The following NFATC3 variants were observed in gnomAD, a reference collection of about 807,000 sequenced individuals.
The protein encoded by NFATC3 is nuclear factor of activated T-cells, cytoplasmic 3.
Under a neutral mutation model 98.6 loss-of-function variants are expected in NFATC3, and 46 were observed. That is an observed-to-expected ratio of 0.47 (90% CI 0.37 to 0.60). The LOEUF is 0.60. Among genes scored for constraint, NFATC3 ranks in the 20% least tolerant of loss-of-function variants. NFATC3 has a pLI of 0.00. For synonymous variants in NFATC3, 512 were observed against 472.2 expected (o/e 1.08, Z -1.09); for missense variants, 1,256 against 1,295.5 (o/e 0.97, Z 0.47).
chr16:68,218,488 G>T (rs2041720829), intron 9 of NFATC3, among the ~76,000 whole-genome samples: 1 of 134,462 alleles, frequency 7.4e-6, no homozygotes, highest in Admixed American at 7.7e-5. Flanking sequence ...CTGCACTCCA[G>T]CCTGGGCGAC....
chr16:68,220,447 TA>T (rs1315643259), intron 9 of NFATC3, among the ~76,000 whole-genome samples: 1 of 150,278 alleles, frequency 6.7e-6, no homozygotes, highest in Non-Finnish European at 1.5e-5. Flanking sequence ...GGTGACAGAG[TA>T]AGACTCTATC....
chr16:68,158,125 A>G, intron 4 of NFATC3, 57 bp downstream of exon 4: 1 of 1,073,122 alleles, frequency 9.3e-7, no homozygotes, highest in Non-Finnish European at 1.3e-6. Context: ...CTTTCAGAAA[A>G]AAAGTAAATA....
intron 3 of NFATC3, among the ~76,000 whole-genome samples, chr16:68,137,891 A>G (rs1250364440): frequency 6.6e-6 from 1 of 152,058 alleles, no homozygotes; most frequent in African/African-American, 2.4e-5. Flanking sequence ...AAGTGCTGGG[A>G]TTACAGGCGT....
rs577868506 is a variant in NFATC3 at position 68,164,270 on chromosome 16, C to T, written c.1602-2573C>T. Among the ~76,000 whole-genome samples the T allele has an allele frequency of 3.0e-4, 45 of 152,340 alleles. No individual in the cohort carries two copies. The East Asian group carries it at 8.5e-3, about 29-fold the overall frequency. ...TACGAAAACCAGTCAGGTGTGGCGGCGTGCGCCTGCAATCGCAGGCTGAGG... is the reference window on the plus strand; with the variant it reads ...TACGAAAACCAGTCAGGTGTGGCGGTGTGCGCCTGCAATCGCAGGCTGAGG... On this transcript the variant is annotated intron_variant, in intron 4 of 9. Coordinates refer to ENST00000346183, the MANE Select transcript of NFATC3 (RefSeq NM_173165.3).
intron 9 of NFATC3, among the ~76,000 whole-genome samples, chr16:68,203,229 T>G (rs2041002812): frequency 6.6e-6 from 1 of 152,196 alleles, no homozygotes; most frequent in African/African-American, 2.4e-5. Flanking sequence ...GATTTTTTAT[T>G]TTTTATATCG....
chr16:68,143,844 T>TC (rs2151546082), intron 3 of NFATC3, among the ~76,000 whole-genome samples: 1 of 152,062 alleles, frequency 6.6e-6, no homozygotes, highest in East Asian at 1.9e-4. Context: ...AGAGCGAGAC[T>TC]CCATCTCAAA....
At chr16:68,213,046 G>A (rs1229960358) in intron 9 of NFATC3, among the ~76,000 whole-genome samples, 1 of 145,744 alleles carries the variant, frequency 6.9e-6, no homozygotes, top group African/African-American at 2.5e-5. Context: ...TGATCCACCC[G>A]CCTCAGCCTC....
At chr16:68,211,869 A>T (rs2041417012) in intron 9 of NFATC3, among the ~76,000 whole-genome samples, 1 of 152,214 alleles carries the variant, frequency 6.6e-6, no homozygotes. Flanking sequence ...GGAGAGATGA[A>T]TGAGGTATAT....
At chr16:68,204,377 G>A (rs2041053900) in intron 9 of NFATC3, among the ~76,000 whole-genome samples, 1 of 152,044 alleles carries the variant, frequency 6.6e-6, no homozygotes, top group Non-Finnish European at 1.5e-5. Context: ...TACAAAAAAT[G>A]GTAATGAATT....
intron 9 of NFATC3, among the ~76,000 whole-genome samples, chr16:68,194,316 T>C (rs1395679472): frequency 6.6e-6 from 1 of 152,210 alleles, no homozygotes; most frequent in East Asian, 1.9e-4. Flanking sequence ...GAAATGCATG[T>C]GCACAATTTC....
intron 1 of NFATC3, among the ~76,000 whole-genome samples, chr16:68,116,418 T>G (rs1471353965): frequency 6.6e-6 from 1 of 152,144 alleles, no homozygotes; most frequent in Admixed American, 6.5e-5. Flanking sequence ...GATTACTGTA[T>G]GCTTGCATGA....
At chr16:68,106,225 A>G (rs2035647499) in intron 1 of NFATC3, among the ~76,000 whole-genome samples, 1 of 151,852 alleles carries the variant, frequency 6.6e-6, no homozygotes, top group African/African-American at 2.4e-5. Context: ...TGCAAACACC[A>G]GTTGTAATAC....
intron 1 of NFATC3, among the ~76,000 whole-genome samples, chr16:68,116,074 A>G (rs1006863115): frequency 6.6e-6 from 1 of 152,078 alleles, no homozygotes; most frequent in Admixed American, 6.5e-5. Flanking sequence ...ACTCAGTTCT[A>G]CCCTTGTGTG....
intron 4 of NFATC3, among the ~76,000 whole-genome samples, chr16:68,159,825 C>G (rs1385064062): frequency 2.0e-5 from 3 of 152,098 alleles, no homozygotes; most frequent in African/African-American, 7.2e-5. Flanking sequence ...CACCTATTAT[C>G]CCAGCACTTT....
intron 9 of NFATC3, among the ~76,000 whole-genome samples, chr16:68,203,564 C>G (rs1281471071): frequency 6.6e-6 from 1 of 152,122 alleles, no homozygotes; most frequent in East Asian, 1.9e-4. Context: ...GCCTGGAAGG[C>G]AGAGGTTGAA....
At chr16:68,152,875 CAA>C (rs1400068494) in intron 3 of NFATC3, among the ~76,000 whole-genome samples, 4 of 152,108 alleles carry the variant, frequency 2.6e-5, no homozygotes, top group Non-Finnish European at 5.9e-5. Context: ...TTGAGTAAGA[CAA>C]GAGAACATAA....
chr16:68,151,151 C>T (rs2038298976), intron 3 of NFATC3, among the ~76,000 whole-genome samples: 1 of 151,546 alleles, frequency 6.6e-6, no homozygotes, highest in African/African-American at 2.4e-5. Context: ...TCAAGGAGTT[C>T]AAGACCAGCT....
chr16:68,217,833 T>G, intron 9 of NFATC3: 1 of 1,230,786 alleles, frequency 8.1e-7, no homozygotes, highest in Non-Finnish European at 1.0e-6. Context: ...TCGCTTTTGC[T>G]CACATTTCAT....
intron 3 of NFATC3, among the ~76,000 whole-genome samples, chr16:68,137,210 T>C (rs2037468392): frequency 6.6e-6 from 1 of 152,200 alleles, no homozygotes; most frequent in Non-Finnish European, 1.5e-5. Context: ...TACAAAGATA[T>C]TTTATTTCTT....
Sources: allele counts gnomAD v4.1 joint callset (sites outside exome capture counted in the v4.1 genomes callset), GRCh38; gene constraint gnomAD v4.1.1; transcripts MANE v1.5; gene names NCBI Gene and HGNC (gene_info 2026-07-23, HGNC 2026-07-21).